Variants in URM1 observed in about 807,000 individuals in gnomAD.
URM1 encodes the protein ubiquitin related modifier 1.
URM1 carries 11 observed loss-of-function variants against 17.7 expected under a neutral mutation model. The observed-to-expected ratio is 0.62, with a 90% confidence interval of 0.39 to 1.03. The LOEUF (loss-of-function observed/expected upper bound fraction) is 1.03, where lower values mean the gene tolerates loss of function less well. Ranked by LOEUF, URM1 falls within the 50% of genes least tolerant of loss-of-function variation. URM1 has a pLI of 0.00. For missense variants in URM1, 128 were observed against 129.2 expected (o/e 0.99, Z 0.04); for synonymous variants, 48 against 50.6 (o/e 0.95, Z 0.22).
chr9:128,385,761 G>T (rs973825775), intron 2 of URM1, among the ~76,000 whole-genome samples: 1 of 152,070 alleles, frequency 6.6e-6, no homozygotes, highest in African/African-American at 2.4e-5. Context: ...TGCGAAGGGA[G>T]CCATGAGTTC....
At chr9:128,381,542 C>T (rs1411335523) in intron 2 of URM1, among the ~76,000 whole-genome samples, 1 of 152,106 alleles carries the variant, frequency 6.6e-6, no homozygotes, top group Non-Finnish European at 1.5e-5. Flanking sequence ...ACTAAAAATA[C>T]AAAAATAGCT....
In URM1 at chr9:128,387,699, G is replaced by T. The variant is rs969687134; in HGVS notation, c.107-117G>T. 1.3e-6 allele frequency: 2 copies of T among 1,524,578 alleles called. No homozygotes were observed. The highest frequency in any genetic ancestry group is 3.6e-5 in the Admixed American group (2 of 55,962). The allele number at this position is 1,524,578 out of a possible 1,614,324, so 94.4% of individuals were successfully genotyped here. A position where few individuals can be genotyped will look rare whatever the true frequency, so the allele number is the denominator to read the frequency against. On this transcript the variant is annotated intron_variant, in intron 2 of 4. Coordinates refer to ENST00000372853, the MANE Select transcript of URM1 (RefSeq NM_030914.4). This position sits in a 1 kb window ranked among gnomAD's most constrained non-coding sequence, Gnocchi z 4.3. ...CAAGTTCATGGGCTATCACAGCCTG[G>T]TCTAAAAGAAGCCCTCTAAACACCG...
intron 3 of URM1, chr9:128,388,216 G>A (rs1223379997): frequency 8.6e-7 from 1 of 1,168,470 alleles, no homozygotes; most frequent in East Asian, 4.4e-5. Context: ...TACACAGAAA[G>A]TGCTGAGGAA....
chr9:128,378,542 CAAAAAAAAAAAAA>C (rs58676800), intron 2 of URM1, among the ~76,000 whole-genome samples: 12 of 23,028 alleles, frequency 5.2e-4, no homozygotes, highest in East Asian at 2.1e-3. Context: ...GACTCCATCT[CAAAAAAAAAAAAA>C]AAAAAAAAAA....
intron 2 of URM1, among the ~76,000 whole-genome samples, chr9:128,382,420 C>T (rs1363004745): frequency 6.6e-6 from 1 of 152,146 alleles, no homozygotes; most frequent in Non-Finnish European, 1.5e-5. Flanking sequence ...GACTTCCCAG[C>T]CTAGGGGCTG....
chr9:128,379,799 CA>C (rs1280151195), intron 2 of URM1, among the ~76,000 whole-genome samples: 3 of 144,894 alleles, frequency 2.1e-5, no homozygotes, highest in Admixed American at 6.9e-5. Context: ...GACTCCATCT[CA>C]AAAAAAAATA....
intron 1 of URM1, among the ~76,000 whole-genome samples, chr9:128,373,300 T>C (rs181967549): frequency 1.3e-5 from 2 of 152,204 alleles, no homozygotes; most frequent in East Asian, 1.9e-4. Flanking sequence ...TCTTTGTCCT[T>C]GTGTTGATGC....
In URM1 at chr9:128,389,304, C is replaced by T. The variant is rs947676253; in HGVS notation, c.232C>T (p.Leu78=). 1.2e-6 allele frequency: 2 copies of T among 1,612,836 alleles called. No homozygotes were observed. The highest frequency in any genetic ancestry group is 2.7e-5 in the African/African-American group (2 of 74,882). ...GCTGATTAACGATGCCGACTGGGAGCTACTGGTCAGTACCTTGGGGGACAT... is the reference window on the plus strand; with the variant it reads ...GCTGATTAACGATGCCGACTGGGAGTTACTGGTCAGTACCTTGGGGGACAT... ...LVLINDADWE[L]LGELDYQLQD... is the part of the protein sequence containing the mutation. The change falls in exon 4 of 5, where the codon CTA becomes TTA. Residue 78 remains leucine (L), a synonymous_variant. Coordinates refer to ENST00000372853, the MANE Select transcript of URM1 (RefSeq NM_030914.4).
intron 1 of URM1, 105 bp downstream of exon 1, chr9:128,371,520 C>A: frequency 8.4e-7 from 1 of 1,192,248 alleles, no homozygotes; most frequent in Non-Finnish European, 1.2e-6. Flanking sequence ...ACTGGGTGTC[C>A]CAGTGCCCGC....
intron 3 of URM1, chr9:128,388,317 A>G: frequency 9.8e-7 from 1 of 1,015,802 alleles, no homozygotes; most frequent in Non-Finnish European, 1.2e-6. Context: ...ATTACCATAC[A>G]GTGCAGCACG....
At chr9:128,374,740 C>A (rs1267038791) in intron 1 of URM1, among the ~76,000 whole-genome samples, 1 of 152,208 alleles carries the variant, frequency 6.6e-6, no homozygotes, top group Non-Finnish European at 1.5e-5. Flanking sequence ...ACATCTCATT[C>A]TTCAAAAGTC....
At chr9:128,373,127 A>C (rs1833033580) in intron 1 of URM1, among the ~76,000 whole-genome samples, 1 of 151,814 alleles carries the variant, frequency 6.6e-6, no homozygotes, top group Admixed American at 6.6e-5. Context: ...AGTCTCCCTT[A>C]CCTCCAAGAG....
chr9:128,371,764 A>T (rs1478961401), intron 1 of URM1, among the ~76,000 whole-genome samples: 2 of 152,020 alleles, frequency 1.3e-5, no homozygotes, highest in East Asian at 3.8e-4. Flanking sequence ...AGCTCCTAGA[A>T]CCTAGAAGGA....
intron 3 of URM1, chr9:128,388,109 A>G (rs894722014): frequency 2.3e-6 from 3 of 1,329,696 alleles, no homozygotes; most frequent in South Asian, 4.4e-5. Flanking sequence ...AGCCTGGTGA[A>G]TTTCTCAGAA....
At chr9:128,375,435 G>A (rs1044251368) in intron 1 of URM1, among the ~76,000 whole-genome samples, 77 of 152,308 alleles carry the variant, frequency 5.1e-4, no homozygotes, top group African/African-American at 1.8e-3. Flanking sequence ...TCAAGGCCAG[G>A]CATGGTGGCC....
At chr9:128,376,046 T>G (rs1357108927) in intron 1 of URM1, among the ~76,000 whole-genome samples, 1 of 151,606 alleles carries the variant, frequency 6.6e-6, no homozygotes, top group Non-Finnish European at 1.5e-5. Flanking sequence ...TCGGCAAATT[T>G]GGGTACTTGA....
At chr9:128,380,019 T>C (rs944235464) in intron 2 of URM1, among the ~76,000 whole-genome samples, 5 of 151,822 alleles carry the variant, frequency 3.3e-5, no homozygotes, top group African/African-American at 1.2e-4. Context: ...AAGCTGATGC[T>C]GAAGGATTGC....
intron 1 of URM1, among the ~76,000 whole-genome samples, chr9:128,375,751 G>GGTGTTGCC (rs1427511441): frequency 6.6e-6 from 1 of 151,946 alleles, no homozygotes; most frequent in African/African-American, 2.4e-5. Flanking sequence ...GTAGACACAA[G>GGTGTTGCC]GTGTTGCCAT....
chr9:128,379,682 C>A (rs929728691), intron 2 of URM1, among the ~76,000 whole-genome samples: 2 of 152,026 alleles, frequency 1.3e-5, no homozygotes, highest in African/African-American at 4.8e-5. Flanking sequence ...CGCCTGTAAT[C>A]CCGGCTACTC....
Sources: allele counts gnomAD v4.1 joint callset (sites outside exome capture counted in the v4.1 genomes callset), GRCh38; gene constraint gnomAD v4.1.1; non-coding constraint Gnocchi (gnomAD v3.1); transcripts MANE v1.5; gene names NCBI Gene and HGNC (gene_info 2026-07-23, HGNC 2026-07-21).